Variants in RIMS1 observed in about 807,000 individuals in gnomAD.
The protein encoded by RIMS1 is regulating synaptic membrane exocytosis 1, also known as regulating synaptic membrane exocytosis protein 1.
Under a neutral mutation model 214.1 loss-of-function variants are expected in RIMS1, and 83 were observed. The observed-to-expected ratio is 0.39, with a 90% CI of 0.32 to 0.47. The LOEUF (loss-of-function observed/expected upper bound fraction) is 0.47. RIMS1 is among the 20% of genes least tolerant of loss of function. RIMS1 has a pLI of 0.99. For missense variants in RIMS1, 2,050 were observed against 2,161.8 expected, an observed-to-expected ratio of 0.95 and a Z score of 1.03; for synonymous variants, 793 against 786.8, an observed-to-expected ratio of 1.01 and a Z score of -0.13.
chr6:71,969,076 T>A lies in RIMS1; in HGVS notation c.245+13T>A. 6.2e-7 allele frequency: 1 copy of A among 1,612,270 alleles called. No homozygotes were observed. The highest frequency in any genetic ancestry group is 1.1e-5 in the South Asian group (1 of 91,040). On this transcript the variant is annotated intron_variant, in intron 2 of 33. Transcript: ENST00000521978. ...ACCAACCTTCACCGTGAGTATGGCATTGGTTTTATTGACTGAAAATGTCGT... is the reference window on the plus strand; with the variant it reads ...ACCAACCTTCACCGTGAGTATGGCAATGGTTTTATTGACTGAAAATGTCGT...
rs1203251080 is a variant in RIMS1 at position 72,216,990 on chromosome 6, T to C, written c.1679-16783T>C. The C allele has an allele frequency of 7.1e-6, 10 of 1,399,234 alleles. No homozygotes were observed. The South Asian group carries it at 1.3e-4, about 18-fold the overall frequency. The allele number at this position is 1,399,234 out of a possible 1,614,324, so 86.7% of individuals were successfully genotyped here. On this transcript the variant is annotated intron_variant, in intron 6 of 33. Transcript: ENST00000521978. ...TGACAGCAGCACTTATGGCCTTGTTTAGTGTCACTGTTGTATAATGTTGGA... is the reference window on the plus strand; with the variant it reads ...TGACAGCAGCACTTATGGCCTTGTTCAGTGTCACTGTTGTATAATGTTGGA...
At chr6:71,986,253 G>A (rs1009529326) in intron 2 of RIMS1, among the ~76,000 whole-genome samples, 9 of 148,838 alleles carry the variant, frequency 6.0e-5, no homozygotes, top group Middle Eastern at 3.4e-3. Context: ...CTTTTCTCAT[G>A]GTGTCCATAA....
chr6:72,343,492 C>CTTTTTTTTTTTTTTTTTTTTTTTTTT (rs764125827), intron 29 of RIMS1, among the ~76,000 whole-genome samples: 55 of 57,288 alleles, frequency 9.6e-4, no homozygotes, highest in East Asian at 1.8e-3. Flanking sequence ...TCTTCTTCTT[C>CTTTTTTTTTTTTTTTTTTTTTTTTTT]TTTTTTTTTT....
chr6:72,247,676 A>G (rs2070822637), intron 11 of RIMS1, among the ~76,000 whole-genome samples: 1 of 152,094 alleles, frequency 6.6e-6, no homozygotes, highest in South Asian at 2.1e-4. Flanking sequence ...TTTATAATAG[A>G]TGATCCATTA....
At chr6:72,228,345 A>G (rs1185578172) in intron 6 of RIMS1, among the ~76,000 whole-genome samples, 1 of 151,874 alleles carries the variant, frequency 6.6e-6, no homozygotes, top group Admixed American at 6.6e-5. Context: ...CCACCACTCT[A>G]TTCTCTGTTT....
chr6:72,326,670 C>CG (rs1222051413), intron 28 of RIMS1, among the ~76,000 whole-genome samples: 1 of 151,742 alleles, frequency 6.6e-6, no homozygotes, highest in Non-Finnish European at 1.5e-5. Context: ...TCCATACCCC[C>CG]ATTCCAGAAT....
intron 3 of RIMS1, among the ~76,000 whole-genome samples, chr6:72,099,729 A>G (rs911033752): frequency 6.6e-6 from 1 of 152,154 alleles, no homozygotes; most frequent in Non-Finnish European, 1.5e-5. Context: ...TTAGGAAATT[A>G]TTGTGCCTAA....
intron 3 of RIMS1, among the ~76,000 whole-genome samples, chr6:72,097,959 AT>A (rs2032328864): frequency 6.6e-6 from 1 of 152,150 alleles, no homozygotes; most frequent in African/African-American, 2.4e-5. Flanking sequence ...CAGTATAATT[AT>A]TTATAGGGAA....
intron 6 of RIMS1, among the ~76,000 whole-genome samples, chr6:72,194,110 A>G (rs1460626694): frequency 6.6e-6 from 1 of 152,196 alleles, no homozygotes; most frequent in African/African-American, 2.4e-5. Flanking sequence ...ACAAATGGAG[A>G]AACATTTCAT....
chr6:72,179,149 G>A (rs1396385571), intron 4 of RIMS1, among the ~76,000 whole-genome samples: 1 of 152,060 alleles, frequency 6.6e-6, no homozygotes, highest in Non-Finnish European at 1.5e-5. Context: ...ATACTTGCAA[G>A]TACTGAGGTT....
At chr6:72,305,573 A>G (rs532576845) in intron 26 of RIMS1, among the ~76,000 whole-genome samples, 1 of 152,120 alleles carries the variant, frequency 6.6e-6, no homozygotes, top group Non-Finnish European at 1.5e-5. Flanking sequence ...ATATTTTCAC[A>G]TTTTCTATAT....
At chr6:71,950,904 T>C (rs990069500) in intron 1 of RIMS1, among the ~76,000 whole-genome samples, 1 of 152,148 alleles carries the variant, frequency 6.6e-6, no homozygotes, top group Non-Finnish European at 1.5e-5. Flanking sequence ...TGCATGCTGG[T>C]TTTTCTTATT....
intron 2 of RIMS1, among the ~76,000 whole-genome samples, chr6:72,029,316 A>G (rs906768195): frequency 1.3e-5 from 2 of 152,190 alleles, no homozygotes; most frequent in Non-Finnish European, 2.9e-5. Context: ...TTAAGTTATA[A>G]ATAATAGTTT....
At chr6:71,987,211 T>C (rs928226930) in intron 2 of RIMS1, among the ~76,000 whole-genome samples, 2 of 152,152 alleles carry the variant, frequency 1.3e-5, no homozygotes, top group Non-Finnish European at 2.9e-5. Flanking sequence ...TTCTGTAAAA[T>C]GTCATCTTAG....
chr6:72,372,314 CA>C (rs2098244556), intron 29 of RIMS1, among the ~76,000 whole-genome samples: 1 of 152,150 alleles, frequency 6.6e-6, no homozygotes, highest in South Asian at 2.1e-4. Context: ...TTAACCTTTA[CA>C]AAATTACCCA....
intron 29 of RIMS1, among the ~76,000 whole-genome samples, chr6:72,361,096 CTTTTTTTTTTTT>C (rs70994124): frequency 1.5e-4 from 8 of 54,436 alleles, no homozygotes; most frequent in South Asian, 7.2e-4. Flanking sequence ...GTCTTTCTTT[CTTTTTTTTTTTT>C]TTTTTTTTTT....
intron 29 of RIMS1, among the ~76,000 whole-genome samples, chr6:72,389,495 A>G (rs1484340278): frequency 3.3e-5 from 5 of 152,210 alleles, no homozygotes; most frequent in Non-Finnish European, 5.9e-5. Context: ...AAAGGAATCC[A>G]GTGACCAAAA....
intron 29 of RIMS1, among the ~76,000 whole-genome samples, chr6:72,378,505 G>C (rs1253207731): frequency 1.3e-5 from 2 of 152,154 alleles, no homozygotes; most frequent in Admixed American, 1.3e-4. Flanking sequence ...TCATACATGT[G>C]TGTTTGTTTC....
At chr6:72,090,300 C>T (rs951026564) in intron 2 of RIMS1, among the ~76,000 whole-genome samples, 2 of 152,082 alleles carry the variant, frequency 1.3e-5, no homozygotes, top group African/African-American at 4.8e-5. Context: ...TGCCACTGTG[C>T]CTGGCCTGAT....
Sources: gnomAD v4.1 joint callset for allele counts (sites outside exome capture counted in the v4.1 genomes callset) on GRCh38, gnomAD v4.1.1 for gene constraint, MANE v1.5 for transcripts, NCBI Gene and HGNC (gene_info 2026-07-23, HGNC 2026-07-21) for gene names.